ZNF641: variants seen among roughly 807,000 people sequenced by gnomAD.
ZNF641 encodes zinc finger protein 641.
In ZNF641, 26 loss-of-function variants were observed where a neutral mutation model predicts 46.2. The observed-to-expected ratio is 0.56, with a 90% CI of 0.41 to 0.78. The LOEUF (loss-of-function observed/expected upper bound fraction) is 0.78, where lower values mean the gene tolerates loss of function less well. ZNF641 is among the 30% of genes least tolerant of loss of function. ZNF641 has a pLI of 0.00. For missense variants in ZNF641, 469 were observed against 517.8 expected (o/e 0.91, Z 0.91); for synonymous variants, 163 against 187.9 (o/e 0.87, Z 1.09).
At position 48,339,520 on chromosome 12, in the gene ZNF641, A is replaced by C. The variant is rs1952672716; in HGVS notation, c.*3453T>G. Reference sequence around the variant, plus strand: ...TGAGAGCCACAGTTTGGTATGGCTCACAAGGGAAAAGAGGAAAATTTTGCT... The same window carrying C: ...TGAGAGCCACAGTTTGGTATGGCTCCCAAGGGAAAAGAGGAAAATTTTGCT... On this transcript the variant is annotated 3_prime_UTR_variant, in exon 6 of 6. Coordinates refer to ENST00000547026, the MANE Select transcript of ZNF641 (RefSeq NM_001172681.2). 1 of 152,222 alleles carries C rather than the reference A, an allele frequency of 6.6e-6. No individual in the cohort carries two copies. The highest frequency in any genetic ancestry group is 2.4e-5 in the African/African-American group (1 of 41,460). 9.4% of individuals were successfully genotyped at this position (152,222 alleles called of 1,614,324 possible).
chr12:48,349,344 T>C (rs1443022524), intron 1 of ZNF641, among the ~76,000 whole-genome samples: 1 of 152,228 alleles, frequency 6.6e-6, no homozygotes, highest in Non-Finnish European at 1.5e-5. Context: ...TCAGAATCTC[T>C]TTCTGTTTGG....
rs546551602 is a variant in ZNF641, at chr12:48,349,852, T to C, written c.-26+934A>G. On this transcript the variant is annotated intron_variant, in intron 1 of 5. Transcript: ENST00000547026. ...CTCTAGCTCCTGTGCAAATCCTCCCTGAAGGCTTTACCTCTAGCTACATAT... is the reference window on the plus strand; with the variant it reads ...CTCTAGCTCCTGTGCAAATCCTCCCCGAAGGCTTTACCTCTAGCTACATAT... 5.9e-5 allele frequency among the ~76,000 whole-genome samples: 9 copies of C among 152,342 alleles called. No homozygotes were observed. In the South Asian group the frequency reaches 1.9e-3, roughly 32 times the overall value.
rs946104924 is a variant in ZNF641, at chr12:48,341,220, T to C, written c.*1753A>G. 1.0e-6 allele frequency: 1 copy of C among 985,496 alleles called. No individual in the cohort carries two copies. Among genetic ancestry groups the C allele is most frequent in the East Asian group, 1.1e-4 (1 of 8,824 alleles). 61.0% of individuals were successfully genotyped at this position (985,496 alleles called of 1,614,324 possible). ...TGCAATTCACTTCCTCTTGCCTCTC[T>C]GGTTCATTCCACCAATTGTGGTTGA... On this transcript the variant is annotated 3_prime_UTR_variant, in exon 6 of 6. Transcript: ENST00000547026.
Position 48,342,334 on chromosome 12 carries a change from G to C in ZNF641, c.*639C>G. The stretch of plus-strand genomic sequence containing the variant: ...GAAGACAGACCCACACATGAACAAG[G>C]TCTGGCCCCCCTGGCTTTCATATGG... On this transcript the variant is annotated 3_prime_UTR_variant, in exon 6 of 6. Coordinates refer to ENST00000547026, the MANE Select transcript of ZNF641 (RefSeq NM_001172681.2). 1 of 985,800 alleles carries C rather than the reference G, an allele frequency of 1.0e-6. No individual in the cohort carries two copies. The allele number at this position is 985,800 out of a possible 1,614,324, so 61.1% of individuals were successfully genotyped here.
intron 1 of ZNF641, chr12:48,350,052 T>A: frequency 6.2e-7 from 1 of 1,614,212 alleles, no homozygotes; most frequent in Non-Finnish European, 8.5e-7. Flanking sequence ...GTACCTGTCC[T>A]CAGCTTGCAT....
Position 48,339,084 on chromosome 12 carries a change from C to G in ZNF641, c.*3889G>C, listed in dbSNP as rs1009409439. On this transcript the variant is annotated 3_prime_UTR_variant, in exon 6 of 6. Coordinates refer to ENST00000547026, the MANE Select transcript of ZNF641 (RefSeq NM_001172681.2). Reference sequence around the variant, plus strand: ...ATCCTCAGTGCCCATATTGGAAGCCCCAGCCCCAATGAATCACAGGAGCTT... The same window carrying G: ...ATCCTCAGTGCCCATATTGGAAGCCGCAGCCCCAATGAATCACAGGAGCTT... 6.6e-6 allele frequency: 1 copy of G among 152,206 alleles called. No individual in the cohort carries two copies. The highest frequency in any genetic ancestry group is 1.5e-5 in the Non-Finnish European group (1 of 68,058). The allele number at this position is 152,206 out of a possible 1,614,324, so 9.4% of individuals were successfully genotyped here.
In ZNF641 at chr12:48,342,807, A is replaced by G. The variant is rs1952751582; in HGVS notation, c.*166T>C. The G allele has an allele frequency of 4.9e-6, 7 of 1,426,558 alleles. No individual in the cohort carries two copies. The South Asian group carries it at 6.2e-5, about 13-fold the overall frequency. The allele number at this position is 1,426,558 out of a possible 1,614,324, so 88.4% of individuals were successfully genotyped here. A position where few individuals can be genotyped will look rare whatever the true frequency, so the allele number is the denominator to read the frequency against. Reference sequence around the variant, plus strand: ...ACTCTATTTTTATGTGCTATCTCACAGAACTGGTGAGAAATGCTCTGGCCA... The same window carrying G: ...ACTCTATTTTTATGTGCTATCTCACGGAACTGGTGAGAAATGCTCTGGCCA... On this transcript the variant is annotated 3_prime_UTR_variant, in exon 6 of 6. Coordinates refer to ENST00000547026, the MANE Select transcript of ZNF641 (RefSeq NM_001172681.2).
chr12:48,350,404 T>G, intron 1 of ZNF641: 1 of 356,870 alleles, frequency 2.8e-6, no homozygotes, highest in Non-Finnish European at 5.1e-6. Flanking sequence ...TCCCTTCTTC[T>G]TGTCACAGTG....
At chr12:48,335,789 C>T (rs982751180), downstream of ZNF641, among the ~76,000 whole-genome samples, 1 of 152,206 alleles carries the variant, frequency 6.6e-6, no homozygotes, top group Non-Finnish European at 1.5e-5. Flanking sequence ...CTGCAAGATT[C>T]TAGGCCCTGT....
At chr12:48,343,801 G>T in intron 5 of ZNF641, 74 bp from the exon 6 acceptor site, 1 of 1,387,172 alleles carries the variant, frequency 7.2e-7, no homozygotes, top group Non-Finnish European at 9.4e-7. Context: ...TCACAAATGA[G>T]GTTGTCTGAT....
chr12:48,343,169 C>T lies in ZNF641; in HGVS notation c.1079G>A (p.Cys360Tyr), dbSNP rs1393943806. The change falls in exon 6 of 6, where the codon TGC becomes TAC. Residue 360 changes from cysteine (C) to tyrosine (Y), a missense_variant. By Grantham distance (194) the Cys-to-Tyr change is radical. Transcript: ENST00000547026. The part of the protein sequence containing the change: ...RAPPVPKCHV[C>Y]TECGKSFGRR... ...GCCAAAGCTCTTCCCACATTCAGTG[C>T]ACACGTGACACTTTGGCACTGGTGG... is the stretch of plus-strand genomic sequence containing the variant. 6.2e-7 allele frequency: 1 copy of T among 1,614,174 alleles called. No homozygotes were observed. The highest frequency in any genetic ancestry group is 8.5e-7 in the Non-Finnish European group (1 of 1,180,000).
downstream of ZNF641, among the ~76,000 whole-genome samples, chr12:48,336,747 G>A (rs1213044947): frequency 6.6e-6 from 1 of 152,210 alleles, no homozygotes; most frequent in African/African-American, 2.4e-5. Context: ...CCACTTGGTG[G>A]CTCCACTCAA....
intron 3 of ZNF641, among the ~76,000 whole-genome samples, chr12:48,346,172 G>A (rs1439052511): frequency 2.0e-5 from 3 of 152,076 alleles, no homozygotes; most frequent in Admixed American, 2.0e-4. Context: ...CCAAAGTGCT[G>A]GGATTACAGG....
At chr12:48,350,328 C>T (rs888547639) in intron 1 of ZNF641, 2 of 1,020,072 alleles carry the variant, frequency 2.0e-6, no homozygotes, top group Non-Finnish European at 2.7e-6. Flanking sequence ...CATCAGAGAA[C>T]CCTGGCCCCT....
chr12:48,344,487 T>G, intron 5 of ZNF641, 112 bp downstream of exon 5: 1 of 646,474 alleles, frequency 1.5e-6, no homozygotes, highest in South Asian at 2.4e-5. Context: ...AAAAAATCTC[T>G]AAACCTTTTG....
At chr12:48,346,062 C>G (rs1439776252) in intron 3 of ZNF641, among the ~76,000 whole-genome samples, 1 of 152,088 alleles carries the variant, frequency 6.6e-6, no homozygotes, top group Non-Finnish European at 1.5e-5. Context: ...CACCACTACA[C>G]CCAGCTATTT....
intron 3 of ZNF641, 144 bp downstream of exon 3, chr12:48,347,108 T>C (rs1367954837): frequency 1.4e-6 from 2 of 1,443,988 alleles, no homozygotes; most frequent in Non-Finnish European, 1.8e-6. Flanking sequence ...TATGACCCCT[T>C]GGAAAGGGAT....
chr12:48,350,799 G>C lies in ZNF641; in HGVS notation c.-39C>G. 2 of 983,612 alleles carry C rather than the reference G, an allele frequency of 2.0e-6. No homozygotes were observed. The highest frequency in any genetic ancestry group is 2.4e-6 in the Non-Finnish European group (2 of 828,302). The allele number at this position is 983,612 out of a possible 1,614,324, so 60.9% of individuals were successfully genotyped here. A position where few individuals can be genotyped will look rare whatever the true frequency, so the allele number is the denominator to read the frequency against. On this transcript the variant is annotated 5_prime_UTR_variant, in exon 1 of 6. Transcript: ENST00000547026. ...GGCTCCACTCACCCCCGGTAGGCTT[G>C]GCCCGCGGCCCGGTGCCTCCCTCCC... is the stretch of plus-strand genomic sequence containing the variant.
In ZNF641 at chr12:48,342,647, G is replaced by T; in HGVS notation, c.*326C>A. The T allele has an allele frequency of 3.8e-6, 2 of 522,990 alleles. No homozygotes were observed. Among genetic ancestry groups the T allele is most frequent in the Non-Finnish European group, 5.4e-6 (2 of 368,740 alleles). 32.4% of individuals were successfully genotyped at this position (522,990 alleles called of 1,614,324 possible). On this transcript the variant is annotated 3_prime_UTR_variant, in exon 6 of 6. Coordinates refer to ENST00000547026, the MANE Select transcript of ZNF641 (RefSeq NM_001172681.2). ...GTGATACTCAAAATGTTTAACAACTGGTATAGCATAGACTCCAACCAATCA... is the reference window on the plus strand; with the variant it reads ...GTGATACTCAAAATGTTTAACAACTTGTATAGCATAGACTCCAACCAATCA...
Sources: allele counts gnomAD v4.1 joint callset (sites outside exome capture counted in the v4.1 genomes callset), GRCh38; gene constraint gnomAD v4.1.1; transcripts MANE v1.5; gene names NCBI Gene and HGNC (gene_info 2026-07-23, HGNC 2026-07-21).